Variants in PGAP2 observed in about 807,000 individuals in gnomAD.
PGAP2 encodes post-GPI attachment to proteins 2.
In PGAP2, 21 loss-of-function variants were observed where a neutral mutation model predicts 33.2. The observed-to-expected ratio is 0.63, with a 90% CI of 0.45 to 0.91. The LOEUF (loss-of-function observed/expected upper bound fraction) is 0.91, where lower values mean the gene tolerates loss of function less well. Ranked by LOEUF, PGAP2 falls within the 40% of genes least tolerant of loss-of-function variation. The pLI, the probability that PGAP2 is intolerant of heterozygous loss-of-function variation, is 0.00. For synonymous variants in PGAP2, 161 were observed against 172.9 expected, an observed-to-expected ratio of 0.93 and a Z score of 0.54; for missense variants, 345 against 424.0, an observed-to-expected ratio of 0.81 and a Z score of 1.64.
rs1396176592 is a variant in PGAP2 at position 3,825,631 on chromosome 11, C to T, written c.*173C>T. ...CCCAGTGCTGCTGGCTTCTCCTCTC[C>T]ACCCCTCATATGGGCGTGGGGTCCT... On this transcript the variant is annotated 3_prime_UTR_variant, in exon 7 of 7. Transcript: ENST00000278243. 1.4e-5 allele frequency: 9 copies of T among 621,836 alleles called. No individual in the cohort carries two copies. The highest frequency in any genetic ancestry group is 9.8e-5 in the Admixed American group (3 of 30,734). 38.5% of individuals were successfully genotyped at this position (621,836 alleles called of 1,614,324 possible). A position where few individuals can be genotyped will look rare whatever the true frequency, so the allele number is the denominator to read the frequency against.
chr11:3,820,755 G>A (rs527650026), intron 3 of PGAP2, among the ~76,000 whole-genome samples: 6 of 152,314 alleles, frequency 3.9e-5, no homozygotes, highest in Admixed American at 3.3e-4. Context: ...CCTGGGAGGC[G>A]GAGGTTGCAA....
At position 3,811,451 on chromosome 11, in the gene PGAP2, A is replaced by G. The variant is rs763852025; in HGVS notation, c.165+27A>G. 1.1e-5 allele frequency: 17 copies of G among 1,596,318 alleles called. No homozygotes were observed. The highest frequency in any genetic ancestry group is 1.4e-5 in the Non-Finnish European group (16 of 1,167,340). On this transcript the variant is annotated intron_variant, in intron 2 of 6. Transcript: ENST00000278243. This position sits in a 1 kb window ranked among gnomAD's most constrained non-coding sequence, Gnocchi z 4.6. ...TAGGGCATGGGGACACTGATACCTC[A>G]TATTCAGGCCGATCTGGATCTTCTT...
At chr11:3,824,217 T>A (rs2089557998) in intron 4 of PGAP2, 53 bp from the exon 5 acceptor site, 1 of 1,612,492 alleles carries the variant, frequency 6.2e-7, no homozygotes, top group Non-Finnish European at 8.5e-7. Flanking sequence ...ACCTTCCTAC[T>A]TCGTGGTGTG....
Position 3,802,975 on chromosome 11 carries a change from T to A in PGAP2, c.139+4993T>A, listed in dbSNP as rs559032016. On this transcript the variant is annotated intron_variant, in intron 1 of 6. Transcript: ENST00000300730. ...CCGAGTAGCTGGGACTACAGGCGCC[T>A]GCCACCACACCCGGCTAATTTTTTT... Among the ~76,000 whole-genome samples, 4 of 141,054 alleles carry A rather than the reference T, an allele frequency of 2.8e-5. No homozygotes were observed. The South Asian group carries it at 9.3e-4, about 33-fold the overall frequency. 92.5% of individuals were successfully genotyped at this position (141,054 alleles called of 152,430 possible).
In PGAP2 at chr11:3,811,448, C is replaced by T. The variant is rs762941537; in HGVS notation, c.165+24C>T. The T allele has an allele frequency of 3.1e-6, 5 of 1,599,794 alleles. No individual in the cohort carries two copies. The highest frequency in any genetic ancestry group is 4.3e-6 in the Non-Finnish European group (5 of 1,170,058). On this transcript the variant is annotated intron_variant, in intron 2 of 6. Coordinates refer to ENST00000278243, the MANE Select transcript of PGAP2 (RefSeq NM_014489.4). This position sits in a 1 kb window ranked among gnomAD's most constrained non-coding sequence, Gnocchi z 4.6. ...GGGTAGGGCATGGGGACACTGATAC[C>T]TCATATTCAGGCCGATCTGGATCTT...
Position 3,824,250 on chromosome 11 carries a change from C to T in PGAP2, c.602-20C>T. 1 of 1,614,060 alleles carries T rather than the reference C, an allele frequency of 6.2e-7. No homozygotes were observed. The highest frequency in any genetic ancestry group is 8.5e-7 in the Non-Finnish European group (1 of 1,179,962). ...GTGGGCACTCCCTGCAATGTGGCTCCCAATCCTCTTTCCCTCCAGCCATCC... is the reference window on the plus strand; with the variant it reads ...GTGGGCACTCCCTGCAATGTGGCTCTCAATCCTCTTTCCCTCCAGCCATCC... On this transcript the variant is annotated intron_variant, in intron 4 of 6. Coordinates refer to ENST00000278243, the MANE Select transcript of PGAP2 (RefSeq NM_014489.4).
chr11:3,808,868 G>C (rs978482202), intron 1 of PGAP2, among the ~76,000 whole-genome samples: 4 of 152,222 alleles, frequency 2.6e-5, no homozygotes, highest in African/African-American at 9.6e-5. Flanking sequence ...GTGTGCAGGG[G>C]TTGAGCTCTC....
At chr11:3,816,589 A>G (rs1395631732) in intron 2 of PGAP2, among the ~76,000 whole-genome samples, 1 of 151,984 alleles carries the variant, frequency 6.6e-6, no homozygotes, top group African/African-American at 2.4e-5. Flanking sequence ...ATTCCCCCAA[A>G]CCTTGGATTG....
At chr11:3,819,396 C>T (rs146053918) in intron 3 of PGAP2, among the ~76,000 whole-genome samples, 17 of 151,888 alleles carry the variant, frequency 1.1e-4, no homozygotes, top group African/African-American at 3.4e-4. Flanking sequence ...AGCCAAGATG[C>T]GGACTGTGAG....
chr11:3,818,745 C>T (rs569192353), intron 3 of PGAP2, among the ~76,000 whole-genome samples: 3 of 152,194 alleles, frequency 2.0e-5, no homozygotes, highest in Admixed American at 2.0e-4. Context: ...ATGGACTTGC[C>T]CTTAACATCT....
intron 1 of PGAP2, among the ~76,000 whole-genome samples, chr11:3,809,957 T>G (rs2085208542): frequency 6.6e-6 from 1 of 152,136 alleles, no homozygotes; most frequent in African/African-American, 2.4e-5. Context: ...GAGAGTCTTG[T>G]GGGTGGGGTC....
At chr11:3,815,348 A>C (rs181490298) in intron 2 of PGAP2, among the ~76,000 whole-genome samples, 1 of 138,362 alleles carries the variant, frequency 7.2e-6, no homozygotes, top group East Asian at 2.2e-4. Context: ...TCGCTTTGTC[A>C]CCCAGGCTGG....
intron 2 of PGAP2, among the ~76,000 whole-genome samples, chr11:3,816,778 T>A (rs2087127333): frequency 6.6e-6 from 1 of 152,180 alleles, no homozygotes; most frequent in African/African-American, 2.4e-5. Context: ...CCTCTGTTCC[T>A]AGTTGAACTT....
intron 1 of PGAP2, among the ~76,000 whole-genome samples, chr11:3,801,812 G>A (rs571348651): frequency 1.3e-5 from 2 of 151,990 alleles, no homozygotes; most frequent in South Asian, 4.2e-4. Flanking sequence ...AGGCATAGTT[G>A]CCCACGCCTG....
intron 1 of PGAP2, among the ~76,000 whole-genome samples, chr11:3,809,741 C>T (rs967887847): frequency 2.0e-5 from 3 of 152,068 alleles, no homozygotes; most frequent in Non-Finnish European, 4.4e-5. Flanking sequence ...GGGAGGGTCA[C>T]CAGAGCCACT....
chr11:3,817,948 A>T (rs1486081034), intron 3 of PGAP2: 2 of 430,290 alleles, frequency 4.6e-6, no homozygotes, highest in Admixed American at 5.0e-5. Flanking sequence ...TGGGAGGCTA[A>T]GGCAGGAGAA....
intron 3 of PGAP2, among the ~76,000 whole-genome samples, chr11:3,821,509 G>A (rs1310782089): frequency 2.0e-5 from 3 of 152,194 alleles, no homozygotes; most frequent in Non-Finnish European, 4.4e-5. Context: ...TGTAATCCCA[G>A]CACTTTGGGA....
At chr11:3,808,181 T>G (rs965101447), upstream of PGAP2, 13 of 1,490,224 alleles carry the variant, frequency 8.7e-6, no homozygotes, top group Non-Finnish European at 1.2e-5. Context: ...GCTTAATGTT[T>G]CAGAAGGGCG....
chr11:3,824,774 T>TTAATAC, intron 5 of PGAP2: 1 of 1,428,554 alleles, frequency 7.0e-7, no homozygotes, highest in South Asian at 1.5e-5. Context: ...CCATGTAACT[T>TTAATAC]TCATACTCCA....
Sources: gnomAD v4.1 joint callset for allele counts (sites outside exome capture counted in the v4.1 genomes callset) on GRCh38, gnomAD v4.1.1 for gene constraint, Gnocchi (gnomAD v3.1) non-coding constraint, MANE v1.5 for transcripts, NCBI Gene and HGNC (gene_info 2026-07-23, HGNC 2026-07-21) for gene names.